Variants in B4GALT6 observed in about 807,000 individuals in gnomAD.
B4GALT6 encodes the protein UDP-Gal:beta-GlcNAc beta-1,4-galactosyltransferase 6.
A neutral mutation model predicts 46.3 loss-of-function variants in B4GALT6; 14 were observed. The observed-to-expected ratio is 0.30, with a 90% CI of 0.20 to 0.47. B4GALT6 has a LOEUF of 0.47. Among genes scored for constraint, B4GALT6 ranks in the 20% least tolerant of loss-of-function variants. B4GALT6 has a pLI of 0.99. For synonymous variants in B4GALT6, 168 were observed against 162.0 expected (o/e 1.04, Z -0.28); for missense variants, 386 against 480.1 (o/e 0.80, Z 1.83).
At chr18:31,646,042 T>C (rs2073987278) in intron 3 of B4GALT6, among the ~76,000 whole-genome samples, 1 of 152,226 alleles carries the variant, frequency 6.6e-6, no homozygotes, top group African/African-American at 2.4e-5. Context: ...ATCATCTGTG[T>C]GAAGGATCAT....
intron 1 of B4GALT6, among the ~76,000 whole-genome samples, chr18:31,679,500 T>C (rs2074454984): frequency 6.6e-6 from 1 of 152,250 alleles, no homozygotes; most frequent in South Asian, 2.1e-4. Flanking sequence ...TCCCATCGGA[T>C]ACTTTCAAAC....
chr18:31,660,777 G>A (rs1025400060), intron 2 of B4GALT6, among the ~76,000 whole-genome samples: 4 of 152,008 alleles, frequency 2.6e-5, no homozygotes, highest in Admixed American at 1.3e-4. Flanking sequence ...ATATTTTGGA[G>A]AAATGAAGGG....
Position 31,635,301 on chromosome 18 carries a change from T to C in B4GALT6, c.588+3343A>G, listed in dbSNP as rs144664061. Among the ~76,000 whole-genome samples, 629 of 150,380 alleles carry C rather than the reference T, an allele frequency of 4.2e-3. 2 individuals carry two copies. The highest frequency in any genetic ancestry group is 0.015 in the African/African-American group (605 of 41,162). On this transcript the variant is annotated intron_variant, in intron 5 of 8. Coordinates refer to ENST00000306851, the MANE Select transcript of B4GALT6 (RefSeq NM_004775.5). ...TCACCTCTCCACACATTATGGGGAA[T>C]TGAAGTTTACACAAAGGAAACTAGC...
intron 3 of B4GALT6, 64 bp downstream of exon 3, chr18:31,657,912 G>A: frequency 7.7e-7 from 1 of 1,304,058 alleles, no homozygotes; most frequent in Non-Finnish European, 1.1e-6. Flanking sequence ...CTCAAATCAT[G>A]TGGTTTTTAT....
chr18:31,670,912 C>A (rs2074346780), intron 1 of B4GALT6, among the ~76,000 whole-genome samples: 1 of 152,060 alleles, frequency 6.6e-6, no homozygotes. Flanking sequence ...GTCCCCCAAC[C>A]CCCGAGAGGC....
intron 3 of B4GALT6, among the ~76,000 whole-genome samples, chr18:31,649,575 C>CAAAAAAAA (rs66578099): frequency 9.8e-6 from 1 of 102,412 alleles, no homozygotes; most frequent in African/African-American, 3.3e-5. Context: ...AAAAAATGAG[C>CAAAAAAAA]AAAAAAAAAA....
chr18:31,679,753 T>C (rs1321597343), intron 1 of B4GALT6, among the ~76,000 whole-genome samples: 1 of 152,174 alleles, frequency 6.6e-6, no homozygotes, highest in African/African-American at 2.4e-5. Flanking sequence ...CCCAACTCAA[T>C]TTCTCTAAAA....
chr18:31,651,937 ATTTT>A (rs903935794), intron 3 of B4GALT6, among the ~76,000 whole-genome samples: 1 of 151,756 alleles, frequency 6.6e-6, no homozygotes, highest in African/African-American at 2.4e-5. Context: ...CGCCCAGCTA[ATTTT>A]TTTTATTTTT....
At chr18:31,724,250 G>T in the B4GALT6 span, 1 of 353,900 alleles carries the variant, frequency 2.8e-6, no homozygotes, top group Non-Finnish European at 5.2e-6. Context: ...AGTGCGCGGC[G>T]CCAGCGCTTG....
chr18:31,697,080 G>A, the B4GALT6 span, among the ~76,000 whole-genome samples: 3 of 152,096 alleles, frequency 2.0e-5, no homozygotes, highest in Non-Finnish European at 4.4e-5. Context: ...AGACCATCCT[G>A]GGCAGCATGG....
chr18:31,669,014 T>TC (rs1238156428), intron 1 of B4GALT6, among the ~76,000 whole-genome samples: 1 of 142,624 alleles, frequency 7.0e-6, no homozygotes, highest in African/African-American at 2.6e-5. Context: ...AGACCCTGTG[T>TC]CAAAAAAAAA....
intron 5 of B4GALT6, among the ~76,000 whole-genome samples, chr18:31,637,988 T>C (rs759239582): frequency 2.0e-5 from 3 of 152,076 alleles, no homozygotes; most frequent in Non-Finnish European, 4.4e-5. Context: ...ATAAGCCTAA[T>C]GAAAACATAA....
chr18:31,704,374 A>G, the B4GALT6 span, among the ~76,000 whole-genome samples: 1 of 151,648 alleles, frequency 6.6e-6, no homozygotes, highest in Admixed American at 6.6e-5. Flanking sequence ...ATGCCCAACT[A>G]ATTTATTTTT....
chr18:31,722,321 T>C, the B4GALT6 span, among the ~76,000 whole-genome samples: 1 of 152,170 alleles, frequency 6.6e-6, no homozygotes, highest in Non-Finnish European at 1.5e-5. Context: ...ACGTATTCTC[T>C]GGAAGAATAC....
chr18:31,625,831 G>T, intron 8 of B4GALT6, 70 bp from the exon 9 acceptor site: 1 of 1,308,420 alleles, frequency 7.6e-7, no homozygotes, highest in Non-Finnish European at 1.0e-6. Flanking sequence ...TAAGGACTGT[G>T]TTCAAGGTCA....
chr18:31,676,943 T>C (rs1472387910), intron 1 of B4GALT6, among the ~76,000 whole-genome samples: 5 of 152,232 alleles, frequency 3.3e-5, no homozygotes, highest in African/African-American at 1.2e-4. Context: ...ATAACATTTG[T>C]AACAAGTAAA....
At chr18:31,640,659 C>T (rs1311389911) in intron 4 of B4GALT6, among the ~76,000 whole-genome samples, 1 of 152,178 alleles carries the variant, frequency 6.6e-6, no homozygotes, top group Non-Finnish European at 1.5e-5. Context: ...TTTTTGGTTT[C>T]CCCATAACGT....
chr18:31,658,138 T>C (rs756819238), intron 2 of B4GALT6, 49 bp from the exon 3 acceptor site: 1 of 1,336,368 alleles, frequency 7.5e-7, no homozygotes, highest in Non-Finnish European at 1.1e-6. Flanking sequence ...GGCCTTTTGC[T>C]TTCTCCCTGG....
intron 4 of B4GALT6, among the ~76,000 whole-genome samples, chr18:31,644,029 G>A (rs567440974): frequency 6.9e-4 from 105 of 152,278 alleles, no homozygotes; most frequent in Admixed American, 5.2e-3. Flanking sequence ...AAATTGGGCC[G>A]CATTTCATAT....
Sources: gnomAD v4.1 joint callset for allele counts (sites outside exome capture counted in the v4.1 genomes callset) on GRCh38, gnomAD v4.1.1 for gene constraint, MANE v1.5 for transcripts, NCBI Gene and HGNC (gene_info 2026-07-23, HGNC 2026-07-21) for gene names.